Variants in SCMH1 observed in about 807,000 individuals in gnomAD.
The protein encoded by SCMH1 is Scm polycomb group protein homolog 1.
In SCMH1, 37 loss-of-function variants were observed where a neutral mutation model predicts 70.8. The observed-to-expected ratio is 0.52, with a 90% CI of 0.40 to 0.69. The LOEUF is 0.69. Ranked by LOEUF, SCMH1 falls within the 30% of genes least tolerant of loss-of-function variation. SCMH1 has a pLI of 0.00. For synonymous variants in SCMH1, 292 were observed against 307.4 expected, an observed-to-expected ratio of 0.95 and a Z score of 0.52; for missense variants, 607 against 827.3, an observed-to-expected ratio of 0.73 and a Z score of 3.27.
At chr1:41,049,019 T>A in intron 10 of SCMH1, 129 bp from the exon 11 acceptor site, 1 of 840,186 alleles carries the variant, frequency 1.2e-6, no homozygotes, top group Non-Finnish European at 1.8e-6. Flanking sequence ...GCTGAGCTGG[T>A]GAAATGCTGT....
chr1:41,133,354 C>A (rs1415072022), intron 6 of SCMH1, among the ~76,000 whole-genome samples: 2 of 152,068 alleles, frequency 1.3e-5, no homozygotes, highest in East Asian at 3.9e-4. Context: ...AAAATCGACA[C>A]CCTAACATCA....
At chr1:41,176,202 A>G (rs566878391) in intron 2 of SCMH1, among the ~76,000 whole-genome samples, 3 of 148,458 alleles carry the variant, frequency 2.0e-5, no homozygotes, top group Non-Finnish European at 4.5e-5. Flanking sequence ...AAAAAAAACA[A>G]AAAAAAAAAA....
intron 13 of SCMH1, among the ~76,000 whole-genome samples, chr1:41,032,996 G>T (rs1001947650): frequency 2.2e-5 from 3 of 138,020 alleles, no homozygotes; most frequent in Non-Finnish European, 4.8e-5. Flanking sequence ...AAAAAAAAAA[G>T]ACAGAGGCTA....
At chr1:41,028,154 C>T (rs768054825) in exon 15 of SCMH1, 2 of 1,612,686 alleles carry the variant, frequency 1.2e-6, no homozygotes, top group Non-Finnish European at 1.7e-6. Context: ...AGAATGCCCC[C>T]ACCTGCTGCC....
At chr1:41,233,434 CTAAGAG>C (rs1661698750) in intron 1 of SCMH1, among the ~76,000 whole-genome samples, 1 of 152,004 alleles carries the variant, frequency 6.6e-6, no homozygotes, top group Non-Finnish European at 1.5e-5. Context: ...TCATAGTTAC[CTAAGAG>C]TAACTATGAC....
chr1:41,081,184 T>G (rs1659905892), intron 8 of SCMH1, among the ~76,000 whole-genome samples: 1 of 152,138 alleles, frequency 6.6e-6, no homozygotes. Flanking sequence ...GGGCAAGACA[T>G]CTACACTGAA....
intron 1 of SCMH1, among the ~76,000 whole-genome samples, chr1:41,204,236 G>T (rs1655003216): frequency 6.6e-6 from 1 of 152,128 alleles, no homozygotes; most frequent in Non-Finnish European, 1.5e-5. Context: ...AGGAAAACTG[G>T]GCTATTTAGT....
intron 1 of SCMH1, among the ~76,000 whole-genome samples, chr1:41,211,411 T>C (rs538902406): frequency 2.4e-4 from 36 of 152,154 alleles, no homozygotes; most frequent in African/African-American, 7.2e-4. Flanking sequence ...AACAGACACA[T>C]GAAAAAATGC....
intron 13 of SCMH1, among the ~76,000 whole-genome samples, chr1:41,030,798 A>G (rs182431125): frequency 5.3e-5 from 8 of 152,372 alleles, no homozygotes; most frequent in Non-Finnish European, 1.0e-4. Flanking sequence ...CACATAAAAG[A>G]GTGCCTGGTC....
exon 2 of SCMH1, chr1:41,186,202 T>C (rs1650155382): frequency 1.2e-6 from 1 of 841,080 alleles, no homozygotes; most frequent in African/African-American, 1.7e-5. Flanking sequence ...CACCAATACC[T>C]TGCTCTGACT....
chr1:41,179,466 G>A (rs1004135924), intron 2 of SCMH1, among the ~76,000 whole-genome samples: 29 of 152,126 alleles, frequency 1.9e-4, no homozygotes, highest in Admixed American at 1.0e-3. Flanking sequence ...TTGACAGACC[G>A]CTAGCAAGAC....
chr1:41,046,533 G>C, exon 12 of SCMH1: 1 of 1,614,204 alleles, frequency 6.2e-7, no homozygotes, highest in Non-Finnish European at 8.5e-7. Flanking sequence ...TCCAGGAAGC[G>C]GAGGACGTAG....
intron 9 of SCMH1, among the ~76,000 whole-genome samples, chr1:41,074,121 C>T (rs113872986): frequency 1.3e-5 from 2 of 150,348 alleles, no homozygotes; most frequent in African/African-American, 4.9e-5. Flanking sequence ...GGAAGATACC[C>T]ATGAAAAACA....
chr1:41,228,581 A>G (rs541307337), intron 1 of SCMH1, among the ~76,000 whole-genome samples: 2 of 151,712 alleles, frequency 1.3e-5, no homozygotes, highest in African/African-American at 2.4e-5. Context: ...CTAGGAGTTC[A>G]AGACCAGCCC....
intron 8 of SCMH1, among the ~76,000 whole-genome samples, chr1:41,096,824 T>A (rs1665209024): frequency 6.6e-6 from 1 of 152,178 alleles, no homozygotes; most frequent in African/African-American, 2.4e-5. Context: ...ATGCTAATAA[T>A]TAGTATGAAA....
chr1:41,042,325 T>G (rs575205944), intron 12 of SCMH1, among the ~76,000 whole-genome samples: 14 of 152,114 alleles, frequency 9.2e-5, no homozygotes, highest in African/African-American at 3.4e-4. Context: ...CTCAGCTCAC[T>G]GCAACCTCCG....
At chr1:41,195,310 A>C (rs1652773685) in intron 1 of SCMH1, among the ~76,000 whole-genome samples, 1 of 152,154 alleles carries the variant, frequency 6.6e-6, no homozygotes, top group Non-Finnish European at 1.5e-5. Flanking sequence ...TTAAGAATGC[A>C]AAAGTCCTCA....
At chr1:41,121,512 C>T (rs1671939977) in intron 6 of SCMH1, among the ~76,000 whole-genome samples, 1 of 152,122 alleles carries the variant, frequency 6.6e-6, no homozygotes, top group South Asian at 2.1e-4. Context: ...TAGGCAACGA[C>T]CTAGGCTGTC....
At chr1:41,125,020 T>C (rs1356862623) in intron 6 of SCMH1, among the ~76,000 whole-genome samples, 2 of 152,186 alleles carry the variant, frequency 1.3e-5, no homozygotes, top group Non-Finnish European at 2.9e-5. Context: ...TTTGATCACA[T>C]GTTAAGAGGT....
Sources: gnomAD v4.1 joint callset for allele counts (sites outside exome capture counted in the v4.1 genomes callset) on GRCh38, gnomAD v4.1.1 for gene constraint, MANE v1.5 for transcripts, NCBI Gene and HGNC (gene_info 2026-07-23, HGNC 2026-07-21) for gene names.